Variants in PDE2A observed in about 807,000 individuals in gnomAD.
The protein encoded by PDE2A is cGMP-dependent 3',5'-cyclic phosphodiesterase.
A neutral mutation model predicts 133.6 loss-of-function variants in PDE2A; 53 were observed. That is an observed-to-expected ratio of 0.40 (90% CI 0.32 to 0.50). The LOEUF (loss-of-function observed/expected upper bound fraction) is 0.50, where lower values mean the gene tolerates loss of function less well. PDE2A is among the 20% of genes least tolerant of loss of function. The pLI, the probability that PDE2A is intolerant of heterozygous loss-of-function variation, is 0.73. For synonymous variants in PDE2A, 491 were observed against 490.2 expected (o/e 1.00, Z -0.02); for missense variants, 796 against 1,232.4 (o/e 0.65, Z 5.30).
At chr11:72,628,875 G>A (rs1858223573) in intron 2 of PDE2A, among the ~76,000 whole-genome samples, 2 of 152,282 alleles carry the variant, frequency 1.3e-5, no homozygotes, top group Admixed American at 6.5e-5. Flanking sequence ...CAATGCCCTC[G>A]GGTCCCCACT....
intron 2 of PDE2A, among the ~76,000 whole-genome samples, chr11:72,626,101 T>C (rs1474068204): frequency 2.0e-5 from 3 of 152,266 alleles, no homozygotes; most frequent in South Asian, 4.1e-4. Flanking sequence ...TCCCTGGGCC[T>C]AGGCCTTGCC....
intron 20 of PDE2A, 131 bp from the exon 21 acceptor site, chr11:72,582,697 T>A: frequency 1.1e-6 from 1 of 873,018 alleles, no homozygotes; most frequent in South Asian, 1.8e-5. Context: ...CGCTGTGGAC[T>A]GTAACTGGGC....
chr11:72,611,491 T>C (rs1040451018), intron 2 of PDE2A, among the ~76,000 whole-genome samples: 2 of 152,190 alleles, frequency 1.3e-5, no homozygotes, highest in African/African-American at 4.8e-5. Context: ...TGTCCTTTAC[T>C]GGAATTGGTG....
intron 1 of PDE2A, chr11:72,668,548 C>T (rs1855303186): frequency 1.4e-6 from 1 of 691,842 alleles, no homozygotes; most frequent in Non-Finnish European, 2.6e-6. Context: ...GCTGCTTCAC[C>T]TTTGGGCTCC....
intron 4 of PDE2A, among the ~76,000 whole-genome samples, chr11:72,598,214 C>T (rs1256226972): frequency 6.6e-6 from 1 of 152,200 alleles, no homozygotes; most frequent in Non-Finnish European, 1.5e-5. Context: ...CACCAAGAGG[C>T]TAATTCACTT....
chr11:72,607,431 C>G (rs90409), intron 3 of PDE2A, among the ~76,000 whole-genome samples: 98,517 of 151,936 alleles, frequency 0.65, 33,214 homozygotes, highest in African/African-American at 0.82. Context: ...TTCACCCCAG[C>G]CCAGATGTTG....
intron 1 of PDE2A, among the ~76,000 whole-genome samples, chr11:72,648,203 C>T (rs1859181296): frequency 6.6e-6 from 1 of 152,170 alleles, no homozygotes; most frequent in Non-Finnish European, 1.5e-5. Context: ...ATCTTTGGGC[C>T]TGGTGCCTGG....
Position 72,650,876 on chromosome 11 carries a change from TACACACACACAC to T in PDE2A, c.72-8562_72-8551del, listed in dbSNP as rs58905066. On this transcript the variant is annotated intron_variant, in intron 1 of 30. Transcript: ENST00000334456. ...CCTGACCCCTGACCCCAGTCCCCAC[TACACACACACAC>T]ACACACACACACACACACACACACA... 4.7e-3 allele frequency among the ~76,000 whole-genome samples: 608 copies of T among 130,380 alleles called. 3 individuals carry two copies. The highest frequency in any genetic ancestry group is 0.012 in the African/African-American group (399 of 33,796). 85.5% of individuals were successfully genotyped at this position (130,380 alleles called of 152,430 possible).
At chr11:72,637,447 C>T (rs1318755013) in intron 2 of PDE2A, among the ~76,000 whole-genome samples, 1 of 152,226 alleles carries the variant, frequency 6.6e-6, no homozygotes, top group Admixed American at 6.5e-5. Context: ...TCACTAATGT[C>T]CACCTAGGAA....
At chr11:72,586,504 AG>A (rs1855980825) in intron 13 of PDE2A, among the ~76,000 whole-genome samples, 2 of 152,140 alleles carry the variant, frequency 1.3e-5, no homozygotes, top group South Asian at 4.1e-4. Flanking sequence ...GCTCTTCCCC[AG>A]GCACACCTCC....
At chr11:72,650,672 A>T (rs1201608024) in intron 1 of PDE2A, among the ~76,000 whole-genome samples, 1 of 144,720 alleles carries the variant, frequency 6.9e-6, no homozygotes, top group Admixed American at 6.7e-5. Flanking sequence ...CCTCCTCCTG[A>T]TCCTGGTAGC....
At chr11:72,584,350 G>A (rs1334582191) in intron 18 of PDE2A, 37 bp from the exon 19 acceptor site, 3 of 1,403,062 alleles carry the variant, frequency 2.1e-6, no homozygotes, top group Non-Finnish European at 3.0e-6. Flanking sequence ...CACCGGTGGA[G>A]GGAGGGATCG....
intron 18 of PDE2A, 41 bp downstream of exon 18, chr11:72,584,497 GACCCGCCCCGCCC>G: frequency 6.5e-7 from 1 of 1,533,230 alleles, no homozygotes; most frequent in Admixed American, 2.0e-5. Context: ...CGCTCGCTCG[GACCCGCCCCGCCC>G]GGCGCAGGCC....
At chr11:72,587,596 C>G (rs1442206305) in intron 13 of PDE2A, among the ~76,000 whole-genome samples, 2 of 152,224 alleles carry the variant, frequency 1.3e-5, no homozygotes, top group Non-Finnish European at 2.9e-5. Flanking sequence ...TGCTGGACCC[C>G]CATTCACTCT....
chr11:72,582,043 G>T, intron 21 of PDE2A, 96 bp from the exon 22 acceptor site: 1 of 947,172 alleles, frequency 1.1e-6, no homozygotes, highest in Non-Finnish European at 1.7e-6. Context: ...AAAATCTGGA[G>T]TCTTAGAAAC....
At chr11:72,655,654 C>T (rs1384743285) in intron 1 of PDE2A, among the ~76,000 whole-genome samples, 2 of 152,186 alleles carry the variant, frequency 1.3e-5, no homozygotes, top group African/African-American at 4.8e-5. Context: ...AGTCACTTAA[C>T]CTCTCTGAGC....
Position 72,591,605 on chromosome 11 carries a change from C to G in PDE2A, c.490-249G>C, listed in dbSNP as rs373914402. 2.6e-5 allele frequency among the ~76,000 whole-genome samples: 4 copies of G among 152,216 alleles called. No homozygotes were observed. The East Asian group carries it at 7.7e-4, about 29-fold the overall frequency. On this transcript the variant is annotated intron_variant, in intron 6 of 30. Transcript: ENST00000334456. ...GTCTCTGCCTTTTCAATCACTGTCT[C>G]ATCAAGAGCACAGTCCGGGTGTATG... is the stretch of plus-strand genomic sequence containing the variant.
chr11:72,651,700 T>C (rs75241923), intron 1 of PDE2A, among the ~76,000 whole-genome samples: 2,993 of 152,348 alleles, frequency 0.02, 41 homozygotes, highest in South Asian at 0.043. Context: ...ATGTTGCTTG[T>C]TGTCCTTATG....
In PDE2A at chr11:72,590,288, C is replaced by T; in HGVS notation, c.704-44G>A. ...GGTCAGAGAGAGGGCCCCTCCGCAC[C>T]TCCGTGTCCGGGTCCCTCAGGCGCC... On this transcript the variant is annotated intron_variant, in intron 8 of 30. Coordinates refer to ENST00000334456, the MANE Select transcript of PDE2A (RefSeq NM_002599.5). This position sits in a 1 kb window ranked among gnomAD's most constrained non-coding sequence, Gnocchi z 4.8. 2 of 1,545,626 alleles carry T rather than the reference C, an allele frequency of 1.3e-6. No individual in the cohort carries two copies. The highest frequency in any genetic ancestry group is 1.8e-6 in the Non-Finnish European group (2 of 1,142,020).
Sources: gnomAD v4.1 joint callset for allele counts (sites outside exome capture counted in the v4.1 genomes callset) on GRCh38, gnomAD v4.1.1 for gene constraint, Gnocchi (gnomAD v3.1) non-coding constraint, MANE v1.5 for transcripts, NCBI Gene and HGNC (gene_info 2026-07-23, HGNC 2026-07-21) for gene names.